The following MB21D2 variants were observed in gnomAD, a reference collection of about 807,000 sequenced individuals.
The protein encoded by MB21D2 is nucleotidyltransferase MB21D2.
MB21D2 carries 9 observed loss-of-function variants against 33.3 expected under a neutral mutation model. The observed-to-expected ratio is 0.27, with a 90% CI of 0.16 to 0.47. MB21D2 has a LOEUF of 0.47. Among genes scored for constraint, MB21D2 ranks in the 20% least tolerant of loss-of-function variants. MB21D2 has a pLI of 0.99. For synonymous variants in MB21D2, 241 were observed against 236.3 expected (o/e 1.02, Z -0.18); for missense variants, 540 against 624.6 (o/e 0.86, Z 1.44).
intron 1 of MB21D2, among the ~76,000 whole-genome samples, chr3:192,901,491 A>T (rs1355259459): frequency 1.3e-5 from 2 of 152,000 alleles, no homozygotes; most frequent in African/African-American, 2.4e-5. Flanking sequence ...TTCTCTGAGA[A>T]TTTCAATTCC....
chr3:192,879,085 CA>C (rs1713504484), intron 1 of MB21D2, among the ~76,000 whole-genome samples: 1 of 152,198 alleles, frequency 6.6e-6, no homozygotes, highest in South Asian at 2.1e-4. Context: ...CAAACTTCTG[CA>C]GGCCTTCCCT....
At chr3:192,859,270 C>T (rs551377340) in intron 1 of MB21D2, among the ~76,000 whole-genome samples, 6 of 152,270 alleles carry the variant, frequency 3.9e-5, no homozygotes, top group African/African-American at 9.6e-5. Flanking sequence ...AAATGCTAGA[C>T]GGCACTAGAA....
At chr3:192,891,426 G>A (rs1459567081) in intron 1 of MB21D2, among the ~76,000 whole-genome samples, 2 of 152,126 alleles carry the variant, frequency 1.3e-5, no homozygotes, top group Non-Finnish European at 2.9e-5. Context: ...GGAAAAGCTG[G>A]TATCATAAGA....
chr3:192,870,910 T>G lies in MB21D2; in HGVS notation c.211+46720A>C, dbSNP rs1238691626. On this transcript the variant is annotated intron_variant, in intron 1 of 1. Coordinates refer to ENST00000392452, the MANE Select transcript of MB21D2 (RefSeq NM_178496.4). ...CTATTTTAATTCTATACCTCTCTCC[T>G]TCCAACCAATGTGAGGACAGTTGGT... Among the ~76,000 whole-genome samples, 3 of 152,130 alleles carry G rather than the reference T, an allele frequency of 2.0e-5. No homozygotes were observed. In the East Asian group the frequency reaches 5.8e-4, roughly 29 times the overall value.
intron 1 of MB21D2, among the ~76,000 whole-genome samples, chr3:192,804,827 G>A (rs1711629835): frequency 6.6e-6 from 1 of 152,190 alleles, no homozygotes; most frequent in Non-Finnish European, 1.5e-5. Context: ...TATGTTTCCA[G>A]GGTGGAAGTA....
chr3:192,839,752 C>T (rs1348304564), intron 1 of MB21D2, among the ~76,000 whole-genome samples: 1 of 152,158 alleles, frequency 6.6e-6, no homozygotes, highest in Admixed American at 6.5e-5. Context: ...CAGAGTATAG[C>T]CGCTAAAGAA....
chr3:192,845,299 C>T (rs1417647216), intron 1 of MB21D2, among the ~76,000 whole-genome samples: 1 of 152,220 alleles, frequency 6.6e-6, no homozygotes, highest in African/African-American at 2.4e-5. Flanking sequence ...TTACATGTCA[C>T]AGGAAGGACA....
At chr3:192,862,893 G>A (rs530738881) in intron 1 of MB21D2, among the ~76,000 whole-genome samples, 24 of 152,294 alleles carry the variant, frequency 1.6e-4, no homozygotes, top group Non-Finnish European at 2.9e-4. Context: ...GGAGGCTTGC[G>A]CTCTGCCTCA....
chr3:192,805,169 G>A (rs962656707), intron 1 of MB21D2, among the ~76,000 whole-genome samples: 5 of 152,320 alleles, frequency 3.3e-5, no homozygotes, highest in African/African-American at 7.2e-5. Flanking sequence ...AGGTCTCAGG[G>A]CAATGTGCCA....
chr3:192,902,076 A>T (rs7646037), intron 1 of MB21D2, among the ~76,000 whole-genome samples: 80,453 of 152,056 alleles, frequency 0.53, 21,496 homozygotes, highest in Non-Finnish European at 0.54. Context: ...CTTTTCAATA[A>T]ACAAAATCAC....
Position 192,917,636 on chromosome 3 carries a change from T to G in MB21D2, c.205A>C (p.Met69Leu), listed in dbSNP as rs201728507. Reference sequence around the variant, plus strand: ...CCCCCTTTTTCCTCCTTACCCAGCATGGAAAAGATGAAATCCTTGGCTGTG... The same window carrying G: ...CCCCCTTTTTCCTCCTTACCCAGCAGGGAAAAGATGAAATCCTTGGCTGTG... ...IHTAKDFIFSMLGMVQKLDQK... is the reference protein window; with the variant it reads ...IHTAKDFIFSLLGMVQKLDQK... Residue 69 changes from methionine (M) to leucine (L), a missense_variant, in exon 1 of 2, where the codon ATG becomes CTG. By Grantham distance (15) the Met-to-Leu change is conservative. Coordinates refer to ENST00000392452, the MANE Select transcript of MB21D2 (RefSeq NM_178496.4). The G allele has an allele frequency of 2.5e-6, 4 of 1,613,942 alleles. No individual in the cohort carries two copies. The East Asian group carries it at 6.7e-5, about 27-fold the overall frequency.
At chr3:192,840,440 T>C (rs1350054966) in intron 1 of MB21D2, among the ~76,000 whole-genome samples, 2 of 91,346 alleles carry the variant, frequency 2.2e-5, no homozygotes, top group Non-Finnish European at 4.2e-5. Flanking sequence ...TTTTTTTTTT[T>C]GCTTTTCCTA....
chr3:192,799,338 G>C lies in MB21D2; in HGVS notation c.524C>G (p.Thr175Ser), dbSNP rs769669242. ...TTTGGTAGGTGAGAAGAAGTAGTTGGTGGCACCATTGATGTGATCTACAAT... is the reference window on the plus strand; with the variant it reads ...TTTGGTAGGTGAGAAGAAGTAGTTGCTGGCACCATTGATGTGATCTACAAT... ...CTIVDHINGATNYFFSPTKVA... is the reference protein window; with the variant it reads ...CTIVDHINGASNYFFSPTKVA... Residue 175 changes from threonine to serine, a missense_variant, in exon 2 of 2, where the codon ACC becomes AGC. Physicochemically the swap from Thr to Ser is moderately conservative, Grantham distance 58. Transcript: ENST00000392452. The surrounding 1 kb of genome is among the most constrained non-coding windows in gnomAD (Gnocchi z 4.1). 1.9e-6 allele frequency: 3 copies of C among 1,614,082 alleles called. No individual in the cohort carries two copies. Among genetic ancestry groups the C allele is most frequent in the Non-Finnish European group, 2.5e-6 (3 of 1,180,056 alleles).
intron 1 of MB21D2, among the ~76,000 whole-genome samples, chr3:192,879,367 T>G (rs1713510239): frequency 2.0e-5 from 3 of 152,222 alleles, no homozygotes. Flanking sequence ...CCAAGGGGAC[T>G]CTGAGAGACA....
At chr3:192,907,714 C>T (rs910901197) in intron 1 of MB21D2, among the ~76,000 whole-genome samples, 1 of 152,124 alleles carries the variant, frequency 6.6e-6, no homozygotes, top group Admixed American at 6.5e-5. Flanking sequence ...TAGTATTGAT[C>T]GCAAATAACA....
chr3:192,873,286 G>A (rs913393934), intron 1 of MB21D2, among the ~76,000 whole-genome samples: 4 of 152,154 alleles, frequency 2.6e-5, no homozygotes, highest in African/African-American at 9.7e-5. Context: ...ATTCCAAGGA[G>A]CATTTCTAGA....
intron 1 of MB21D2, among the ~76,000 whole-genome samples, chr3:192,853,861 T>C (rs73201141): frequency 0.038 from 5,731 of 152,280 alleles, 137 homozygotes; most frequent in Non-Finnish European, 0.043. Flanking sequence ...TTCAAACGTT[T>C]TCATTGTTAT....
intron 1 of MB21D2, among the ~76,000 whole-genome samples, chr3:192,856,789 G>A (rs1358982972): frequency 6.6e-6 from 1 of 152,140 alleles, no homozygotes; most frequent in Non-Finnish European, 1.5e-5. Context: ...GTAGACTCAA[G>A]CAATCTGCAC....
intron 1 of MB21D2, among the ~76,000 whole-genome samples, chr3:192,882,338 G>A (rs1418342458): frequency 2.6e-5 from 4 of 151,658 alleles, no homozygotes; most frequent in Non-Finnish European, 5.9e-5. Flanking sequence ...GCCTCCCAAA[G>A]TGCTGGGATT....
Sources: gnomAD v4.1 joint callset for allele counts (sites outside exome capture counted in the v4.1 genomes callset) on GRCh38, gnomAD v4.1.1 for gene constraint, Gnocchi (gnomAD v3.1) non-coding constraint, MANE v1.5 for transcripts, NCBI Gene and HGNC (gene_info 2026-07-23, HGNC 2026-07-21) for gene names.